Variants in ZNF25 observed in about 807,000 individuals in gnomAD.
The protein encoded by ZNF25 is zinc finger protein 25.
Under a neutral mutation model 30.9 loss-of-function variants are expected in ZNF25, and 21 were observed. That is an observed-to-expected ratio of 0.68 (90% CI 0.48 to 0.98). The LOEUF is 0.98. Among genes scored for constraint, ZNF25 ranks in the 50% least tolerant of loss-of-function variants. ZNF25 has a pLI of 0.00. For missense variants in ZNF25, 501 were observed against 529.9 expected, an observed-to-expected ratio of 0.95 and a Z score of 0.54; for synonymous variants, 169 against 181.3, an observed-to-expected ratio of 0.93 and a Z score of 0.55.
At chr10:37,963,246 C>T (rs1207754737) in intron 2 of ZNF25, among the ~76,000 whole-genome samples, 1 of 152,042 alleles carries the variant, frequency 6.6e-6, no homozygotes, top group Non-Finnish European at 1.5e-5. Context: ...CCCCAGGCTC[C>T]CAAGTAGCTG....
chr10:37,970,667 C>A (rs1456366979), intron 2 of ZNF25, among the ~76,000 whole-genome samples: 2 of 152,076 alleles, frequency 1.3e-5, no homozygotes, highest in Non-Finnish European at 2.9e-5. Context: ...CAGGGCCATA[C>A]ATATTCTAGC....
intron 2 of ZNF25, among the ~76,000 whole-genome samples, chr10:37,965,529 C>A (rs1026332019): frequency 2.0e-5 from 3 of 152,154 alleles, no homozygotes; most frequent in Non-Finnish European, 2.9e-5. Flanking sequence ...TTCAAGAATT[C>A]TTTTCCATCA....
intron 1 of ZNF25, 87 bp from the exon 2 acceptor site, chr10:37,971,894 C>G: frequency 1.2e-6 from 1 of 850,304 alleles, no homozygotes; most frequent in Non-Finnish European, 1.8e-6. Context: ...ATAGTAAGGA[C>G]CATGATGAAG....
chr10:37,971,809 T>C lies in ZNF25; in HGVS notation c.-85-2A>G, dbSNP rs1236382281. 6.3e-7 allele frequency: 1 copy of C among 1,581,516 alleles called. No homozygotes were observed. Among genetic ancestry groups the C allele is most frequent in the Non-Finnish European group, 8.7e-7 (1 of 1,151,276 alleles). On this transcript the variant is annotated splice_acceptor_variant, in intron 1 of 5. Transcript: ENST00000302609. LOFTEE classifies it low-confidence loss of function (5UTR_SPLICE). ...TTAGCTGGCAGCCCCAGGAATCACC[T>C]GTGAGAAATTTCCATACAACATTTT...
chr10:37,951,815 G>A lies in ZNF25; in HGVS notation c.*312C>T. On this transcript the variant is annotated 3_prime_UTR_variant, in exon 6 of 6. Transcript: ENST00000302609. ...TGTCTTGACATTCGTTTTACTTACA[G>A]GATTTTTCTCCTGTGTGACTTCTAT... 1 of 262,068 alleles carries A rather than the reference G, an allele frequency of 3.8e-6. No homozygotes were observed. Among genetic ancestry groups the A allele is most frequent in the Non-Finnish European group, 7.2e-6 (1 of 139,736 alleles). 16.2% of individuals were successfully genotyped at this position (262,068 alleles called of 1,614,324 possible).
chr10:37,961,700 T>A (rs1483801146), intron 2 of ZNF25, among the ~76,000 whole-genome samples: 1 of 150,154 alleles, frequency 6.7e-6, no homozygotes, highest in African/African-American at 2.5e-5. Context: ...GGCAGGCAGA[T>A]CACCTGAGGT....
At chr10:37,965,400 C>T (rs913760128) in intron 2 of ZNF25, among the ~76,000 whole-genome samples, 3 of 152,134 alleles carry the variant, frequency 2.0e-5, no homozygotes, top group African/African-American at 4.8e-5. Context: ...GCAGTCAACT[C>T]CAGTCATTAA....
Position 37,950,569 on chromosome 10 carries a change from T to C in ZNF25, c.*1558A>G, listed in dbSNP as rs1435245790. On this transcript the variant is annotated 3_prime_UTR_variant, in exon 6 of 6. Transcript: ENST00000302609. Reference sequence around the variant, plus strand: ...GAATGAATGTTGGGTAGCCAACATTTTTTTTTTTTTTGCAGCGTAATTCAC... The same window carrying C: ...GAATGAATGTTGGGTAGCCAACATTCTTTTTTTTTTTGCAGCGTAATTCAC... 1.1e-5 allele frequency: 1 copy of C among 94,614 alleles called. No individual in the cohort carries two copies. The highest frequency in any genetic ancestry group is 2.5e-5 in the Non-Finnish European group (1 of 40,592). The allele number at this position is 94,614 out of a possible 1,614,324, so 5.9% of individuals were successfully genotyped here.
In ZNF25 at chr10:37,966,219, C is replaced by A. The variant is rs185194341; in HGVS notation, c.15+5489G>T. ...ACATCACTTGAGATCAGGAGTTCAA[C>A]ATGGCCAACATGGTGAAACCCTGTC... is the stretch of plus-strand genomic sequence containing the variant. On this transcript the variant is annotated intron_variant, in intron 2 of 5. Coordinates refer to ENST00000302609, the MANE Select transcript of ZNF25 (RefSeq NM_145011.4). Among the ~76,000 whole-genome samples the A allele has an allele frequency of 7.6e-3, 1,150 of 152,184 alleles. 16 individuals are homozygous for A. Among genetic ancestry groups the A allele is most frequent in the Non-Finnish European group, 7.1e-3 (480 of 67,996 alleles).
rs1020953388 is a variant in ZNF25, at chr10:37,951,554, A to G, written c.*573T>C. On this transcript the variant is annotated 3_prime_UTR_variant, in exon 6 of 6. Transcript: ENST00000302609. ...TGTTTCCCTCAGTACAAATTATTTG[A>G]ATTTTTATTGAACACCTTCCAAATA... The G allele has an allele frequency of 6.6e-6, 1 of 152,258 alleles. No individual in the cohort carries two copies. Among genetic ancestry groups the G allele is most frequent in the Admixed American group, 6.5e-5 (1 of 15,282 alleles). The allele number at this position is 152,258 out of a possible 1,614,324, so 9.4% of individuals were successfully genotyped here. A position where few individuals can be genotyped will look rare whatever the true frequency, so the allele number is the denominator to read the frequency against.
At chr10:37,975,036 C>T (rs1322679733) in intron 1 of ZNF25, among the ~76,000 whole-genome samples, 1 of 152,138 alleles carries the variant, frequency 6.6e-6, no homozygotes, top group East Asian at 1.9e-4. Flanking sequence ...CATGTTCTCA[C>T]TCATACGCAG....
In ZNF25 at chr10:37,975,033, T is replaced by G. The variant is rs527753231; in HGVS notation, c.-86+1473A>C. Among the ~76,000 whole-genome samples, 5 of 152,334 alleles carry G rather than the reference T, an allele frequency of 3.3e-5. No individual in the cohort carries two copies. In the South Asian group the frequency reaches 1.0e-3, roughly 32 times the overall value. ...GCACAGAAAGACAAATATCATGTTC[T>G]CACTCATACGCAGGAGCTAAGATAG... On this transcript the variant is annotated intron_variant, in intron 1 of 5. Coordinates refer to ENST00000302609, the MANE Select transcript of ZNF25 (RefSeq NM_145011.4).
At chr10:37,967,459 G>A (rs947187029) in intron 2 of ZNF25, among the ~76,000 whole-genome samples, 1 of 151,526 alleles carries the variant, frequency 6.6e-6, no homozygotes, top group African/African-American at 2.4e-5. Context: ...TCACTGGCTG[G>A]AGTGCAATGG....
At position 37,952,130 on chromosome 10, in the gene ZNF25, C is replaced by T. The variant is rs2062173840; in HGVS notation, c.1368G>A (p.Lys456=). Residue 456 remains lysine, a synonymous_variant, in exon 6 of 6, where the codon AAG becomes AAA. Coordinates refer to ENST00000302609, the MANE Select transcript of ZNF25 (RefSeq NM_145011.4). ...KTHTKKRNAE[K] Reference sequence around the variant, plus strand: ...CAAGAGAATTTCCCAACTCATCTTACTTCTCAGCATTCCTCTTCTTTGTGT... The same window carrying T: ...CAAGAGAATTTCCCAACTCATCTTATTTCTCAGCATTCCTCTTCTTTGTGT... The T allele has an allele frequency of 6.4e-7, 1 of 1,553,056 alleles. No individual in the cohort carries two copies. Among genetic ancestry groups the T allele is most frequent in the East Asian group, 2.3e-5 (1 of 44,312 alleles).
At chr10:37,971,955 G>A (rs2135447148) in intron 1 of ZNF25, 148 bp from the exon 2 acceptor site, 1 of 547,588 alleles carries the variant, frequency 1.8e-6, no homozygotes, top group East Asian at 2.9e-5. Context: ...GATGAGCCTG[G>A]GACATTTTTT....
intron 1 of ZNF25, among the ~76,000 whole-genome samples, chr10:37,973,346 T>C (rs1350264443): frequency 1.1e-4 from 17 of 152,110 alleles, no homozygotes; most frequent in Admixed American, 1.1e-3. Context: ...CTGGGCACTG[T>C]GGCTCACACC....
chr10:37,971,315 C>CAAAAAAAAAA (rs35376573), intron 2 of ZNF25, among the ~76,000 whole-genome samples: 1 of 133,442 alleles, frequency 7.5e-6, no homozygotes, highest in Non-Finnish European at 1.6e-5. Flanking sequence ...GACTCCATCT[C>CAAAAAAAAAA]AAAAAAAAAA....
Position 37,952,394 on chromosome 10 carries a change from C to T in ZNF25, c.1104G>A (p.Lys368=), listed in dbSNP as rs2062199298. The change falls in exon 6 of 6, where the codon AAG becomes AAA. Residue 368 remains lysine (K), a synonymous_variant. Transcript: ENST00000302609. ...TKHQRKHTGE[K]PYECTECGKS... ...TGCCACATTCTGTGCATTCATAGGG[C>T]TTCTCCCCTGTGTGTTTTCTCTGAT... is the stretch of plus-strand genomic sequence containing the variant. 1.2e-6 allele frequency: 2 copies of T among 1,614,052 alleles called. No individual in the cohort carries two copies. The highest frequency in any genetic ancestry group is 1.7e-6 in the Non-Finnish European group (2 of 1,179,984).
rs1056081131 is a variant in ZNF25 at position 37,951,839 on chromosome 10, A to G, written c.*288T>C. 2.1e-4 allele frequency: 62 copies of G among 295,048 alleles called. No individual in the cohort carries two copies. The highest frequency in any genetic ancestry group is 1.2e-3 in the African/African-American group (57 of 46,170). 18.3% of individuals were successfully genotyped at this position (295,048 alleles called of 1,614,324 possible). A position where few individuals can be genotyped will look rare whatever the true frequency, so the allele number is the denominator to read the frequency against. On this transcript the variant is annotated 3_prime_UTR_variant, in exon 6 of 6. Coordinates refer to ENST00000302609, the MANE Select transcript of ZNF25 (RefSeq NM_145011.4). ...AGGATTTTTCTCCTGTGTGACTTCT[A>G]TGTTGCAAAACAAAAGTATGACTTC... is the stretch of plus-strand genomic sequence containing the variant.
Sources: gnomAD v4.1 joint callset for allele counts (sites outside exome capture counted in the v4.1 genomes callset) on GRCh38, gnomAD v4.1.1 for gene constraint, MANE v1.5 for transcripts, NCBI Gene and HGNC (gene_info 2026-07-23, HGNC 2026-07-21) for gene names.